The following CCDC7 variants were observed in gnomAD, a reference collection of about 807,000 sequenced individuals.
CCDC7 encodes coiled-coil domain-containing protein 7.
A neutral mutation model predicts 196.9 loss-of-function variants in CCDC7; 183 were observed. The ratio of observed to expected loss-of-function variants is 0.93; its 90% CI spans 0.82 to 1.05. The LOEUF (loss-of-function observed/expected upper bound fraction) is 1.05. Among genes scored for constraint, CCDC7 ranks in the 50% least tolerant of loss-of-function variants. The probability of loss-of-function intolerance (pLI) is 0.00; values close to 1 mark genes in which losing one functional copy is unlikely to be tolerated. For synonymous variants in CCDC7, 525 were observed against 484.6 expected (o/e 1.08, Z -1.10); for missense variants, 1,540 against 1,482.2 (o/e 1.04, Z -0.64).
intron 11 of CCDC7, among the ~76,000 whole-genome samples, chr10:32,531,591 C>A (rs1024305881): frequency 6.6e-6 from 1 of 152,140 alleles, no homozygotes; most frequent in Admixed American, 6.5e-5. Flanking sequence ...TGGAAGCACT[C>A]CCTTCTCTTC....
intron 38 of CCDC7, 45 bp downstream of exon 39, chr10:32,847,961 CTG>C (rs1213307071): frequency 1.6e-6 from 2 of 1,243,784 alleles, no homozygotes; most frequent in African/African-American, 3.0e-5. Flanking sequence ...TTTATCTTCT[CTG>C]GGGTTTAAGT....
intron 21 of CCDC7, among the ~76,000 whole-genome samples, chr10:32,667,881 AG>A (rs2073155657): frequency 6.6e-6 from 1 of 152,060 alleles, no homozygotes; most frequent in Non-Finnish European, 1.5e-5. Context: ...TGAACTTTAA[AG>A]TAGTTTTTTC....
intron 15 of CCDC7, among the ~76,000 whole-genome samples, chr10:32,569,130 T>C (rs16933500): frequency 0.13 from 20,424 of 152,200 alleles, 1,616 homozygotes; most frequent in African/African-American, 0.23. Context: ...AATACACACC[T>C]GTCTTCTTAT....
chr10:32,809,642 G>A (rs2086638508), intron 30 of CCDC7, among the ~76,000 whole-genome samples: 1 of 152,112 alleles, frequency 6.6e-6, no homozygotes, highest in Non-Finnish European at 1.5e-5. Flanking sequence ...CATCATCACT[G>A]GTCATCAGAG....
intron 31 of CCDC7, among the ~76,000 whole-genome samples, chr10:32,815,863 C>T (rs530992095): frequency 2.6e-5 from 4 of 152,254 alleles, no homozygotes; most frequent in African/African-American, 7.2e-5. Context: ...GCTGAAAGAG[C>T]GGTGGAGCCA....
chr10:32,528,431 C>T (rs926722069), intron 11 of CCDC7, among the ~76,000 whole-genome samples: 1 of 148,060 alleles, frequency 6.8e-6, no homozygotes, highest in Non-Finnish European at 1.5e-5. Flanking sequence ...GAGTCCTCAA[C>T]ACCCATTGCA....
At chr10:32,876,907 A>C (rs1366053984), downstream of CCDC7, 1 of 152,162 alleles carries the variant, frequency 6.6e-6, no homozygotes, top group Non-Finnish European at 1.5e-5. Flanking sequence ...CCTGAAGAGC[A>C]TAAATATTAT....
intron 41 of CCDC7, among the ~76,000 whole-genome samples, chr10:32,860,689 T>TTAA (rs2093948325): frequency 6.6e-6 from 1 of 152,170 alleles, no homozygotes; most frequent in Admixed American, 6.6e-5. Flanking sequence ...CCAAATCTCC[T>TTAA]TAAGCTGATA....
chr10:32,445,424 G>A (rs1342218833), upstream of CCDC7, among the ~76,000 whole-genome samples: 1 of 152,054 alleles, frequency 6.6e-6, no homozygotes, highest in African/African-American at 2.4e-5. Context: ...TCAAATCTAA[G>A]GTCTCCTTTA....
intron 18 of CCDC7, among the ~76,000 whole-genome samples, chr10:32,589,958 G>T (rs79945449): frequency 0.051 from 7,785 of 152,008 alleles, 653 homozygotes; most frequent in African/African-American, 0.18. Flanking sequence ...TATAGGTGAA[G>T]TGTGTTTATT....
intron 6 of CCDC7, among the ~76,000 whole-genome samples, chr10:32,471,972 C>CT (rs747607962): frequency 2.6e-5 from 4 of 152,086 alleles, no homozygotes; most frequent in Non-Finnish European, 4.4e-5. Flanking sequence ...CATGTATAAT[C>CT]TTTGATTTTC....
chr10:32,674,963 C>T (rs2074678047), intron 21 of CCDC7, among the ~76,000 whole-genome samples: 1 of 151,870 alleles, frequency 6.6e-6, no homozygotes, highest in South Asian at 2.1e-4. Context: ...GTGTTTAAGC[C>T]CGTCACTTTT....
intron 18 of CCDC7, among the ~76,000 whole-genome samples, chr10:32,604,892 T>A (rs1352947294): frequency 3.9e-5 from 6 of 152,210 alleles, no homozygotes; most frequent in Non-Finnish European, 8.8e-5. Flanking sequence ...GTCATCTTCC[T>A]TTCCTGTTTG....
chr10:32,632,468 A>G (rs1000740482), intron 18 of CCDC7, among the ~76,000 whole-genome samples: 1 of 151,344 alleles, frequency 6.6e-6, no homozygotes, highest in Non-Finnish European at 1.5e-5. Flanking sequence ...ATTTATATAA[A>G]TAAATATATA....
At chr10:32,677,680 G>T (rs1323434451) in intron 21 of CCDC7, among the ~76,000 whole-genome samples, 1 of 151,866 alleles carries the variant, frequency 6.6e-6, no homozygotes, top group East Asian at 1.9e-4. Context: ...ATGTGTCTCA[G>T]TGTAAATTTC....
At chr10:32,498,143 T>C (rs911708753) in intron 9 of CCDC7, among the ~76,000 whole-genome samples, 18 of 152,210 alleles carry the variant, frequency 1.2e-4, no homozygotes, top group African/African-American at 4.3e-4. Context: ...TTTATGATTA[T>C]GTAATGCCCT....
chr10:32,639,221 G>T (rs980339439), intron 20 of CCDC7, among the ~76,000 whole-genome samples: 2 of 151,990 alleles, frequency 1.3e-5, no homozygotes, highest in African/African-American at 4.8e-5. Context: ...GGTTTTTTGG[G>T]TCTCTATTTC....
chr10:32,644,655 G>C (rs1321959881), intron 20 of CCDC7, among the ~76,000 whole-genome samples: 1 of 152,152 alleles, frequency 6.6e-6, no homozygotes, highest in Non-Finnish European at 1.5e-5. Flanking sequence ...TCACGAGGGC[G>C]ATTTCCCCCA....
intron 28 of CCDC7, among the ~76,000 whole-genome samples, chr10:32,750,857 A>G (rs1000701800): frequency 3.3e-5 from 5 of 152,344 alleles, no homozygotes; most frequent in African/African-American, 1.2e-4. Context: ...ATTAAGCCCT[A>G]TTAGAATCCA....
Sources: allele counts gnomAD v4.1 joint callset (sites outside exome capture counted in the v4.1 genomes callset), GRCh38; gene constraint gnomAD v4.1.1; transcripts MANE v1.5; gene names NCBI Gene and HGNC (gene_info 2026-07-23, HGNC 2026-07-21).